Variants in ADGRL4 observed in about 807,000 individuals in gnomAD.
ADGRL4 encodes adhesion G protein-coupled receptor L4, also known as EGF, latrophilin and seven transmembrane domain containing 1.
In ADGRL4, 90 loss-of-function variants were observed where a neutral mutation model predicts 74.8. The ratio of observed to expected loss-of-function variants is 1.20; its 90% CI spans 1.02 to 1.43. ADGRL4 has a LOEUF of 1.43. Ranked by LOEUF, ADGRL4 falls within the 40% of genes most tolerant of loss-of-function variation. ADGRL4 has a pLI of 0.00. For missense variants in ADGRL4, 881 were observed against 814.3 expected (o/e 1.08, Z -1.00); for synonymous variants, 311 against 279.2 (o/e 1.11, Z -1.14).
intron 2 of ADGRL4, among the ~76,000 whole-genome samples, chr1:78,965,698 T>A (rs534777553): frequency 6.6e-6 from 1 of 152,198 alleles, no homozygotes; most frequent in Admixed American, 6.5e-5. Context: ...GCAACTATTA[T>A]GTTCTAGGCC....
At position 78,980,690 on chromosome 1, in the gene ADGRL4, C is replaced by T. The variant is rs530300753; in HGVS notation, c.172+24380G>A. On this transcript the variant is annotated intron_variant, in intron 2 of 14. Coordinates refer to ENST00000370742, the MANE Select transcript of ADGRL4 (RefSeq NM_022159.4). ...GCAGTTCTGAAGAAATACTTTATTT[C>T]CTCACAGAATCGCAAGGCTGGAAAT... 3.3e-5 allele frequency among the ~76,000 whole-genome samples: 5 copies of T among 151,954 alleles called. No individual in the cohort carries two copies. The East Asian group carries it at 5.8e-4, about 18-fold the overall frequency.
intron 1 of ADGRL4, 101 bp from the exon 2 acceptor site, chr1:79,005,320 A>G (rs113573019): frequency 6.4e-6 from 6 of 931,738 alleles, no homozygotes; most frequent in African/African-American, 1.7e-5. Context: ...CTCTCTTTCT[A>G]TTTAGATAAA....
At chr1:78,986,189 T>C (rs936463279) in intron 2 of ADGRL4, among the ~76,000 whole-genome samples, 3 of 151,620 alleles carry the variant, frequency 2.0e-5, no homozygotes, top group African/African-American at 7.3e-5. Flanking sequence ...TTAAAAACAA[T>C]AATAATAACA....
intron 2 of ADGRL4, among the ~76,000 whole-genome samples, chr1:79,004,371 G>A (rs1236561461): frequency 6.6e-6 from 1 of 152,040 alleles, no homozygotes; most frequent in Admixed American, 6.5e-5. Context: ...TGTTGGGGGA[G>A]TGGAAGATTG....
At chr1:78,900,719 T>C (rs1341088342) in intron 12 of ADGRL4, among the ~76,000 whole-genome samples, 2 of 152,110 alleles carry the variant, frequency 1.3e-5, no homozygotes, top group Admixed American at 6.6e-5. Flanking sequence ...TGCTTTTCCT[T>C]CACTTCATGA....
rs765084151 is a variant in ADGRL4, at chr1:78,920,183, C to A, written c.1461G>T (p.Lys487Asn). 5.0e-6 allele frequency: 8 copies of A among 1,607,908 alleles called. No homozygotes were observed. In the South Asian group the frequency reaches 8.8e-5, roughly 18 times the overall value. ...FLVGINTNTN[K>N]LFCSIIAGLL... ...AATAGAGATTAGGATGCCTACATAC[C>A]TTATTAGTATTTGTATTGATCCCAA... is the stretch of plus-strand genomic sequence containing the variant. Residue 487 changes from lysine (K) to asparagine (N), a missense_variant and splice_region_variant, in exon 10 of 15, where the codon AAG (lysine) becomes AAT (asparagine). Lys to Asn is a moderately conservative substitution (Grantham distance 94). Coordinates refer to ENST00000370742, the MANE Select transcript of ADGRL4 (RefSeq NM_022159.4).
intron 3 of ADGRL4, among the ~76,000 whole-genome samples, chr1:78,942,314 A>G (rs1649504010): frequency 1.3e-5 from 2 of 152,188 alleles, no homozygotes; most frequent in South Asian, 4.1e-4. Flanking sequence ...GAAAATCAGG[A>G]CTGGTGATTC....
chr1:78,905,374 C>G (rs1292029241), intron 12 of ADGRL4, among the ~76,000 whole-genome samples: 1 of 151,912 alleles, frequency 6.6e-6, no homozygotes, highest in Non-Finnish European at 1.5e-5. Flanking sequence ...AAGACATATT[C>G]ATAATTAATC....
chr1:79,005,804 A>G (rs1356575525), intron 1 of ADGRL4, among the ~76,000 whole-genome samples: 4 of 152,198 alleles, frequency 2.6e-5, no homozygotes, highest in Non-Finnish European at 4.4e-5. Context: ...TTCATAATAA[A>G]ATTTATTTCA....
intron 6 of ADGRL4, among the ~76,000 whole-genome samples, chr1:78,937,260 C>A (rs919836459): frequency 7.9e-5 from 12 of 152,096 alleles, no homozygotes; most frequent in African/African-American, 2.9e-4. Flanking sequence ...GCCTGGCCAA[C>A]ATGGTGAAAC....
intron 3 of ADGRL4, among the ~76,000 whole-genome samples, chr1:78,944,601 G>A (rs1430293818): frequency 1.3e-5 from 2 of 152,072 alleles, no homozygotes; most frequent in East Asian, 3.8e-4. Context: ...CCCTTGCAAA[G>A]CTTGATCGGC....
intron 12 of ADGRL4, among the ~76,000 whole-genome samples, chr1:78,899,080 GA>G (rs1557490310): frequency 6.6e-6 from 1 of 151,914 alleles, no homozygotes; most frequent in East Asian, 1.9e-4. Flanking sequence ...AGATCTCATC[GA>G]AAAAAATGAA....
At chr1:78,982,911 GT>G (rs1037853209) in intron 2 of ADGRL4, among the ~76,000 whole-genome samples, 1 of 151,846 alleles carries the variant, frequency 6.6e-6, no homozygotes, top group East Asian at 1.9e-4. Context: ...GGACTTCAAA[GT>G]GCTACATATT....
chr1:79,003,142 G>A (rs762641011), intron 2 of ADGRL4, among the ~76,000 whole-genome samples: 4 of 151,986 alleles, frequency 2.6e-5, no homozygotes, highest in Non-Finnish European at 5.9e-5. Flanking sequence ...GAAAGGTGAG[G>A]AATCTCTTTA....
At chr1:78,924,320 G>C (rs896708852) in intron 8 of ADGRL4, among the ~76,000 whole-genome samples, 5 of 152,002 alleles carry the variant, frequency 3.3e-5, no homozygotes, top group Non-Finnish European at 2.9e-5. Context: ...GATAATGCAA[G>C]AGCTTAAAAA....
chr1:79,000,377 C>A (rs1650816435), intron 2 of ADGRL4, among the ~76,000 whole-genome samples: 1 of 152,256 alleles, frequency 6.6e-6, no homozygotes, highest in Admixed American at 6.5e-5. Context: ...ATTCCTAAAA[C>A]TTAGTCTGTA....
intron 2 of ADGRL4, among the ~76,000 whole-genome samples, chr1:78,948,301 G>A (rs1352377045): frequency 6.6e-6 from 1 of 152,142 alleles, no homozygotes; most frequent in East Asian, 1.9e-4. Context: ...GTTATCAAAA[G>A]TTTGTATAGA....
intron 2 of ADGRL4, among the ~76,000 whole-genome samples, chr1:78,951,721 G>T (rs1649726618): frequency 6.6e-6 from 1 of 152,196 alleles, no homozygotes. Context: ...CTAAAGCTCA[G>T]ATGGGTTAAA....
At chr1:78,943,192 T>G (rs1332925431) in intron 3 of ADGRL4, among the ~76,000 whole-genome samples, 1 of 152,138 alleles carries the variant, frequency 6.6e-6, no homozygotes, top group African/African-American at 2.4e-5. Flanking sequence ...AAATCTACAA[T>G]TATCATCGAG....
Sources: gnomAD v4.1 joint callset for allele counts (sites outside exome capture counted in the v4.1 genomes callset) on GRCh38, gnomAD v4.1.1 for gene constraint, MANE v1.5 for transcripts, NCBI Gene and HGNC (gene_info 2026-07-23, HGNC 2026-07-21) for gene names.